Variants in IGF2R observed in about 807,000 individuals in gnomAD.
The protein encoded by IGF2R is insulin like growth factor 2 receptor, also known as cation-independent mannose-6-phosphate receptor.
IGF2R carries 91 observed loss-of-function variants against 270.6 expected under a neutral mutation model. That is an observed-to-expected ratio of 0.34 (90% CI 0.28 to 0.40). The LOEUF is 0.40. Ranked by LOEUF, IGF2R falls within the 10% of genes least tolerant of loss-of-function variation. IGF2R has a pLI of 1.00. For missense variants in IGF2R, 2,805 were observed against 3,188.3 expected, an observed-to-expected ratio of 0.88 and a Z score of 2.90; for synonymous variants, 1,316 against 1,258.9, an observed-to-expected ratio of 1.05 and a Z score of -0.96.
chr6:160,026,553 A>G (rs1021075746), intron 5 of IGF2R, among the ~76,000 whole-genome samples: 3 of 152,256 alleles, frequency 2.0e-5, no homozygotes, highest in African/African-American at 4.8e-5. Flanking sequence ...AATAAATCCC[A>G]AAGTATACTG....
At position 160,091,037 on chromosome 6, in the gene IGF2R, C is replaced by T. The variant is rs376036920; in HGVS notation, c.6655+934C>T. Among the ~76,000 whole-genome samples, 116 of 117,832 alleles carry T rather than the reference C, an allele frequency of 9.8e-4. 3 individuals carry two copies. The East Asian group carries it at 0.016, about 16-fold the overall frequency. 77.3% of individuals were successfully genotyped at this position (117,832 alleles called of 152,430 possible). On this transcript the variant is annotated intron_variant, in intron 44 of 47. Coordinates refer to ENST00000356956, the MANE Select transcript of IGF2R (RefSeq NM_000876.4). Reference sequence around the variant, plus strand: ...CTCTGTGCCCTGGTGCTGAGCGCATCGCTGAGAAGGAGCGGGTGCTCTGTG... The same window carrying T: ...CTCTGTGCCCTGGTGCTGAGCGCATTGCTGAGAAGGAGCGGGTGCTCTGTG...
chr6:160,058,967 G>C lies in IGF2R; in HGVS notation c.2960G>C (p.Cys987Ser). 6.2e-7 allele frequency: 1 copy of C among 1,614,210 alleles called. No homozygotes were observed. The highest frequency in any genetic ancestry group is 8.5e-7 in the Non-Finnish European group (1 of 1,180,028). Residue 987 changes from cysteine (C) to serine (S), a missense_variant, in exon 22 of 48, where the codon TGT becomes TCT. Physicochemically the swap from Cys to Ser is moderately radical, Grantham distance 112 (BLOSUM62 -1). Transcript: ENST00000356956. ...GTILGKPASG[C>S]EAETQTEELK... Reference sequence around the variant, plus strand: ...ATCCTGGGAAAACCTGCTTCTGGCTGTGAGGCAGAAACCCAAACTGAAGAG... The same window carrying C: ...ATCCTGGGAAAACCTGCTTCTGGCTCTGAGGCAGAAACCCAAACTGAAGAG...
At chr6:160,038,861 AAAC>A (rs1468766485) in intron 10 of IGF2R, among the ~76,000 whole-genome samples, 1 of 152,164 alleles carries the variant, frequency 6.6e-6, no homozygotes, top group African/African-American at 2.4e-5. Context: ...AAAATAGAAA[AAAC>A]CCCACAGTAG....
chr6:160,040,773 A>G (rs746337067), intron 11 of IGF2R, 49 bp downstream of exon 11: 24 of 1,546,958 alleles, frequency 1.6e-5, no homozygotes, highest in South Asian at 1.3e-4. Flanking sequence ...CTCATGGAAC[A>G]TTTTCCCATG....
rs1408246019 is a variant in IGF2R, at chr6:160,110,708, T to C, written c.*5624T>C. 2 of 152,234 alleles carry C rather than the reference T, an allele frequency of 1.3e-5. No homozygotes were observed. 9.4% of individuals were successfully genotyped at this position (152,234 alleles called of 1,614,324 possible). On this transcript the variant is annotated 3_prime_UTR_variant, in exon 48 of 48. Transcript: ENST00000356956. ...AAGATGGATCAAGAAAATGCATGTA[T>C]GTATACACACACACAGTGGAATACC...
chr6:160,055,990 C>T (rs748274572), intron 19 of IGF2R, among the ~76,000 whole-genome samples: 3 of 152,190 alleles, frequency 2.0e-5, no homozygotes, highest in Non-Finnish European at 2.9e-5. Flanking sequence ...CTCCTGTGCC[C>T]TCTTCCTGCC....
Position 160,084,847 on chromosome 6 carries a change from A to G in IGF2R, c.6069-148A>G, listed in dbSNP as rs369716090. 2.5e-4 allele frequency: 184 copies of G among 736,720 alleles called. No homozygotes were observed. Among genetic ancestry groups the G allele is most frequent in the East Asian group, 2.3e-3 (89 of 38,850 alleles). The allele number at this position is 736,720 out of a possible 1,614,324, so 45.6% of individuals were successfully genotyped here. ...TTTTGCCCTTTTTTTTTTTAATTGGAAAAGCTATTTTAGTGCTACATTCAG... is the reference window on the plus strand; with the variant it reads ...TTTTGCCCTTTTTTTTTTTAATTGGGAAAGCTATTTTAGTGCTACATTCAG... On this transcript the variant is annotated intron_variant, in intron 40 of 47. Transcript: ENST00000356956. The surrounding 1 kb of genome is among the most constrained non-coding windows in gnomAD (Gnocchi z 4.6).
intron 39 of IGF2R, among the ~76,000 whole-genome samples, chr6:160,083,566 A>G (rs1248624008): frequency 6.6e-6 from 1 of 152,182 alleles, no homozygotes; most frequent in Non-Finnish European, 1.5e-5. Flanking sequence ...ACATGGGGAG[A>G]AACCTTGGAC....
intron 32 of IGF2R, 90 bp from the exon 33 acceptor site, chr6:160,072,675 A>G: frequency 6.9e-7 from 1 of 1,445,598 alleles, no homozygotes; most frequent in East Asian, 2.3e-5. Flanking sequence ...CCCGATGCTG[A>G]CATAATCTGT....
intron 21 of IGF2R, 149 bp from the exon 22 acceptor site, chr6:160,058,757 A>G (rs8191832): frequency 0.25 from 162,031 of 659,982 alleles, 20,693 homozygotes; most frequent in African/African-American, 0.33. Context: ...TACTAACTGT[A>G]CTAACATGCC....
Position 160,040,560 on chromosome 6 carries a change from G to A in IGF2R, c.1316G>A (p.Gly439Asp), listed in dbSNP as rs1265113981. Residue 439 changes from glycine (G) to aspartate (D), a missense_variant and splice_region_variant, in exon 11 of 48, where the codon GGT (glycine) becomes GAT (aspartate). By Grantham distance (94) the Gly-to-Asp change is moderately conservative. Transcript: ENST00000356956. Reference sequence around the variant, plus strand: ...AAATTTCTCCTCTTGAATTGTGCAGGTAACGATGGGAAAGGAACTCCTGTA... The same window carrying A: ...AAATTTCTCCTCTTGAATTGTGCAGATAACGATGGGAAAGGAACTCCTGTA... ...VINFECNKTA[G>D]NDGKGTPVFT... The A allele has an allele frequency of 2.9e-5, 47 of 1,613,664 alleles. No individual in the cohort carries two copies. Among genetic ancestry groups the A allele is most frequent in the Non-Finnish European group, 3.7e-5 (44 of 1,179,724 alleles).
chr6:160,099,436 G>A (rs978171933), intron 45 of IGF2R, among the ~76,000 whole-genome samples: 12 of 151,942 alleles, frequency 7.9e-5, no homozygotes, highest in East Asian at 1.9e-4. Flanking sequence ...GCGCGATCTC[G>A]GCTCACTGCA....
At position 159,991,293 on chromosome 6, in the gene IGF2R, G is replaced by C; in HGVS notation, c.259G>C (p.Asp87His). The change falls in exon 2 of 48, where the codon GAC (aspartate) becomes CAC (histidine). Residue 87 changes from aspartate to histidine, a missense_variant. By Grantham distance (81) the Asp-to-His change is moderately conservative (BLOSUM62 -1). Transcript: ENST00000356956. The part of the protein sequence containing the change: ...CGPSSAVCMH[D>H]LKTRTYHSVG... ...GCCATCAAGTGCTGTTTGTATGCAC[G>C]ACTTGAAGACACGCACTTATCATTC... 3 of 1,613,514 alleles carry C rather than the reference G, an allele frequency of 1.9e-6. No individual in the cohort carries two copies. Among genetic ancestry groups the C allele is most frequent in the Non-Finnish European group, 2.5e-6 (3 of 1,179,724 alleles).
rs781193290 is a variant in IGF2R at position 160,063,492 on chromosome 6, G to A, written c.3748G>A (p.Val1250Met). The A allele has an allele frequency of 1.1e-5, 18 of 1,613,914 alleles. No individual in the cohort carries two copies. Among genetic ancestry groups the A allele is most frequent in the African/African-American group, 1.3e-5 (1 of 75,034 alleles). ...LKPLGLNDTI[V>M]SAGEYTYYFR... ...GCCCCTGGGCCTCAACGACACCATC[G>A]TGAGCGCTGGCGAATACACTTATTA... is the stretch of plus-strand genomic sequence containing the variant. Residue 1250 changes from valine (V) to methionine (M), a missense_variant, in exon 27 of 48, where the codon GTG becomes ATG. Around this residue, in one of 2 missense-constraint regions of IGF2R, gnomAD observed 1,851 missense variants for 2,207.2 expected, o/e 0.84. Transcript: ENST00000356956.
chr6:160,047,355 C>A lies in IGF2R; in HGVS notation c.2229+19C>A. ...ATATCAGGTAGGAATGTTTGTTCCT[C>A]ATCGCGCTCCCTGAGGATACTCATG... is the stretch of plus-strand genomic sequence containing the variant. On this transcript the variant is annotated intron_variant, in intron 16 of 47. Transcript: ENST00000356956. The A allele has an allele frequency of 6.4e-7, 1 of 1,550,864 alleles. No individual in the cohort carries two copies. Among genetic ancestry groups the A allele is most frequent in the South Asian group, 1.2e-5 (1 of 82,102 alleles).
At chr6:160,098,743 T>C (rs1779420309) in intron 45 of IGF2R, among the ~76,000 whole-genome samples, 1 of 152,124 alleles carries the variant, frequency 6.6e-6, no homozygotes, top group Admixed American at 6.5e-5. Flanking sequence ...TGCTTGAACC[T>C]GGAAGGTGGA....
intron 1 of IGF2R, among the ~76,000 whole-genome samples, chr6:159,978,664 A>G (rs1205019886): frequency 4.6e-5 from 7 of 152,000 alleles, no homozygotes; most frequent in South Asian, 4.2e-4. Flanking sequence ...AAAAAAAAAA[A>G]GTACGGTCGT....
chr6:159,969,291 C>A lies in IGF2R; in HGVS notation c.45C>A (p.Pro15=). 8.3e-7 allele frequency: 1 copy of A among 1,211,594 alleles called. No individual in the cohort carries two copies. The highest frequency in any genetic ancestry group is 1.0e-6 in the Non-Finnish European group (1 of 974,170). The allele number at this position is 1,211,594 out of a possible 1,614,324, so 75.1% of individuals were successfully genotyped here. ...GGAGCCCCCACCTGGGGCCCGCGCC[C>A]GCCCGCCGCCCGCAGCGCTCTCTGC... The part of the protein sequence containing the change: ...AGRSPHLGPA[P]ARRPQRSLLL... The change falls in exon 1 of 48, where the codon CCC becomes CCA. Residue 15 remains proline, a synonymous_variant. Transcript: ENST00000356956.
At chr6:159,973,363 A>T (rs954105176) in intron 1 of IGF2R, among the ~76,000 whole-genome samples, 1 of 152,218 alleles carries the variant, frequency 6.6e-6, no homozygotes, top group East Asian at 1.9e-4. Context: ...TAATGATAAA[A>T]TAATGCTTTG....
Sources: allele counts gnomAD v4.1 joint callset (sites outside exome capture counted in the v4.1 genomes callset), GRCh38; gene constraint gnomAD v4.1.1; regional missense constraint gnomAD v4.1.1; non-coding constraint Gnocchi (gnomAD v3.1); transcripts MANE v1.5; gene names NCBI Gene and HGNC (gene_info 2026-07-23, HGNC 2026-07-21).